RBFOX1: variants seen among roughly 807,000 people sequenced by gnomAD.
RBFOX1 encodes RNA binding protein fox-1 homolog 1.
Under a neutral mutation model 57.7 loss-of-function variants are expected in RBFOX1, and 8 were observed. The ratio of observed to expected loss-of-function variants is 0.14; its 90% CI spans 0.08 to 0.25. The LOEUF (loss-of-function observed/expected upper bound fraction) is 0.25. RBFOX1 is among the 10% of genes least tolerant of loss of function. The probability of loss-of-function intolerance (pLI) is 1.00; values close to 1 mark genes in which losing one functional copy is unlikely to be tolerated. For missense variants in RBFOX1, 611 were observed against 548.5 expected, an observed-to-expected ratio of 1.11 and a Z score of -1.14; for synonymous variants, 326 against 222.4, an observed-to-expected ratio of 1.47 and a Z score of -4.15.
At chr16:6,107,697 G>C (rs1284772308) in intron 1 of RBFOX1, among the ~76,000 whole-genome samples, 1 of 129,268 alleles carries the variant, frequency 7.7e-6, no homozygotes, top group Non-Finnish European at 1.6e-5. Flanking sequence ...GGGTGGGTGG[G>C]TGAGTGGATG....
intron 4 of RBFOX1, among the ~76,000 whole-genome samples, chr16:7,436,651 A>G (rs1464032826): frequency 1.3e-5 from 2 of 152,206 alleles, no homozygotes; most frequent in African/African-American, 4.8e-5. Context: ...GCGGAGGATC[A>G]CTCAGGAACC....
intron 4 of RBFOX1, among the ~76,000 whole-genome samples, chr16:7,284,273 C>T (rs189594749): frequency 3.9e-5 from 6 of 152,274 alleles, no homozygotes; most frequent in African/African-American, 1.2e-4. Context: ...ATTCTTAGTT[C>T]TCCTGGGTAA....
rs529702571 is a variant in RBFOX1 at position 6,947,275 on chromosome 16, T to G, written c.-15-104782T>G. 9.3e-4 allele frequency among the ~76,000 whole-genome samples: 141 copies of G among 152,270 alleles called. 2 individuals carry two copies. Among genetic ancestry groups the G allele is most frequent in the African/African-American group, 3.2e-3 (134 of 41,548 alleles). On this transcript the variant is annotated intron_variant, in intron 3 of 15. Coordinates refer to ENST00000550418, the MANE Select transcript of RBFOX1 (RefSeq NM_018723.4). ...CTTCTTATTTTCCTGTTTTTCACCTTGATTTTGGAGTAAGGTCACCCTTCC... is the reference window on the plus strand; with the variant it reads ...CTTCTTATTTTCCTGTTTTTCACCTGGATTTTGGAGTAAGGTCACCCTTCC...
intron 4 of RBFOX1, among the ~76,000 whole-genome samples, chr16:5,972,370 AATAGTGCATG>A (rs2059979275): frequency 6.6e-6 from 1 of 152,344 alleles, no homozygotes; most frequent in East Asian, 1.9e-4. Context: ...ACTGACCATC[AATAGTGCATG>A]ATATGCATGG....
At chr16:6,211,272 A>T (rs1445512534) in intron 1 of RBFOX1, among the ~76,000 whole-genome samples, 2 of 119,136 alleles carry the variant, frequency 1.7e-5, no homozygotes, top group Non-Finnish European at 3.3e-5. Context: ...TTTGTCGCCC[A>T]GGCTGGAGGG....
At chr16:6,881,284 G>T (rs1248064216) in intron 3 of RBFOX1, among the ~76,000 whole-genome samples, 6 of 152,154 alleles carry the variant, frequency 3.9e-5, no homozygotes, top group Non-Finnish European at 7.3e-5. Context: ...CAAAGGAAGG[G>T]GTAAAACCTA....
At chr16:7,541,570 A>T (rs1435390439) in intron 5 of RBFOX1, among the ~76,000 whole-genome samples, 1 of 151,982 alleles carries the variant, frequency 6.6e-6, no homozygotes, top group Non-Finnish European at 1.5e-5. Flanking sequence ...TGCTTATTCC[A>T]TCTAGACTGT....
intron 2 of RBFOX1, among the ~76,000 whole-genome samples, chr16:6,327,318 T>A (rs577065400): frequency 5.2e-4 from 79 of 152,304 alleles, no homozygotes; most frequent in African/African-American, 1.9e-3. Flanking sequence ...TATCTTAGAA[T>A]ATCTAGTAGG....
chr16:6,630,232 G>C (rs1358940748), intron 2 of RBFOX1, among the ~76,000 whole-genome samples: 1 of 152,140 alleles, frequency 6.6e-6, no homozygotes, highest in African/African-American at 2.4e-5. Context: ...AGGGATGGAA[G>C]ATGCTTCTTC....
intron 1 of RBFOX1, among the ~76,000 whole-genome samples, chr16:5,394,008 T>C (rs2066482165): frequency 6.6e-6 from 1 of 152,164 alleles, no homozygotes; most frequent in South Asian, 2.1e-4. Context: ...TCGCTTAGCA[T>C]AGCCATTTCT....
chr16:6,854,760 A>C (rs1270834372), intron 3 of RBFOX1, among the ~76,000 whole-genome samples: 3 of 151,418 alleles, frequency 2.0e-5, no homozygotes, highest in African/African-American at 7.3e-5. Context: ...GCGCCCGGCT[A>C]ATTTTTTGTA....
At chr16:6,793,604 G>C (rs2083378795) in intron 3 of RBFOX1, among the ~76,000 whole-genome samples, 1 of 152,096 alleles carries the variant, frequency 6.6e-6, no homozygotes, top group African/African-American at 2.4e-5. Context: ...TTCTTCACAA[G>C]AGCAAACTGA....
chr16:7,082,476 G>T (rs949012446), intron 4 of RBFOX1, among the ~76,000 whole-genome samples: 1 of 151,806 alleles, frequency 6.6e-6, no homozygotes, highest in Non-Finnish European at 1.5e-5. Flanking sequence ...CAGCTACTTG[G>T]GAGGCTGAGA....
At chr16:5,992,584 G>T (rs1244234874) in intron 4 of RBFOX1, among the ~76,000 whole-genome samples, 1 of 152,170 alleles carries the variant, frequency 6.6e-6, no homozygotes, top group East Asian at 1.9e-4. Flanking sequence ...TGGGGAGTTT[G>T]TGGTTGCTTC....
At chr16:6,744,694 A>G (rs967295568) in intron 3 of RBFOX1, among the ~76,000 whole-genome samples, 5 of 152,136 alleles carry the variant, frequency 3.3e-5, no homozygotes, top group East Asian at 1.9e-4. Context: ...TTATTAAACA[A>G]TGCTTGAAGA....
intron 4 of RBFOX1, among the ~76,000 whole-genome samples, chr16:7,384,845 A>G (rs375734363): frequency 6.6e-6 from 1 of 152,208 alleles, no homozygotes; most frequent in Non-Finnish European, 1.5e-5. Flanking sequence ...CTTATATTCT[A>G]GTTGAAAGGA....
intron 4 of RBFOX1, among the ~76,000 whole-genome samples, chr16:5,916,746 C>G (rs1478017168): frequency 2.0e-5 from 3 of 152,140 alleles, no homozygotes; most frequent in East Asian, 1.9e-4. Context: ...AGCTGCTTAT[C>G]TCTGACTCCA....
At chr16:5,386,664 C>G (rs1395654291) in intron 1 of RBFOX1, among the ~76,000 whole-genome samples, 2 of 152,164 alleles carry the variant, frequency 1.3e-5, no homozygotes, top group Non-Finnish European at 2.9e-5. Context: ...TTACCCCCGG[C>G]AGACTCCCAC....
intron 3 of RBFOX1, among the ~76,000 whole-genome samples, chr16:5,822,274 G>C (rs771004457): frequency 6.6e-6 from 1 of 152,142 alleles, no homozygotes; most frequent in Non-Finnish European, 1.5e-5. Context: ...AGACTTTGGG[G>C]ACTTGGGGGG....
Sources: allele counts gnomAD v4.1 joint callset (sites outside exome capture counted in the v4.1 genomes callset), GRCh38; gene constraint gnomAD v4.1.1; transcripts MANE v1.5; gene names NCBI Gene and HGNC (gene_info 2026-07-23, HGNC 2026-07-21).